The following DYNC2H1 variants were observed in gnomAD, a reference collection of about 807,000 sequenced individuals.
The protein encoded by DYNC2H1 is cytoplasmic dynein 2 heavy chain 1.
DYNC2H1 carries 410 observed loss-of-function variants against 570.0 expected under a neutral mutation model. The ratio of observed to expected loss-of-function variants is 0.72; its 90% CI spans 0.66 to 0.78. The LOEUF (loss-of-function observed/expected upper bound fraction) is 0.78. Ranked by LOEUF, DYNC2H1 falls within the 30% of genes least tolerant of loss-of-function variation. DYNC2H1 has a pLI of 0.00. For missense variants in DYNC2H1, 4,865 were observed against 5,046.4 expected (o/e 0.96, Z 1.09); for synonymous variants, 1,688 against 1,677.6 (o/e 1.01, Z -0.15).
Position 103,142,064 on chromosome 11 carries a change from G to A in DYNC2H1, c.2575-1204G>A, listed in dbSNP as rs540217201. Among the ~76,000 whole-genome samples the A allele has an allele frequency of 2.0e-5, 3 of 152,320 alleles. No homozygotes were observed. The South Asian group carries it at 6.2e-4, about 32-fold the overall frequency. ...GCCATTTTTGAGGCCCATTGGAAAA[G>A]TGTAGTATTAGGGTGGGATTGACCC... On this transcript the variant is annotated intron_variant, in intron 17 of 88. Transcript: ENST00000375735.
intron 52 of DYNC2H1, among the ~76,000 whole-genome samples, chr11:103,206,960 C>T (rs181526818): frequency 9.2e-5 from 14 of 151,980 alleles, no homozygotes; most frequent in Admixed American, 2.0e-4. Flanking sequence ...CTTGCTCTGT[C>T]GCCCAGGCTG....
At chr11:103,211,193 AAG>A (rs1269802504) in intron 53 of DYNC2H1, among the ~76,000 whole-genome samples, 1 of 59,872 alleles carries the variant, frequency 1.7e-5, no homozygotes, top group Non-Finnish European at 3.2e-5. Context: ...AAGAAGAAGA[AAG>A]AGTCGAGGAT....
intron 59 of DYNC2H1, among the ~76,000 whole-genome samples, chr11:103,229,715 T>A (rs1187720914): frequency 6.6e-6 from 1 of 152,204 alleles, no homozygotes; most frequent in Non-Finnish European, 1.5e-5. Context: ...TATTATGAAT[T>A]CCTGTCTTTC....
At chr11:103,448,504 A>G (rs1381086619) in intron 85 of DYNC2H1, among the ~76,000 whole-genome samples, 2 of 152,176 alleles carry the variant, frequency 1.3e-5, no homozygotes, top group South Asian at 4.1e-4. Flanking sequence ...CCATAAAAAC[A>G]AAGTCCTAAG....
chr11:103,139,793 CT>C (rs1328899650), intron 17 of DYNC2H1, among the ~76,000 whole-genome samples: 1 of 152,026 alleles, frequency 6.6e-6, no homozygotes, highest in African/African-American at 2.4e-5. Context: ...TCTCGTTGAT[CT>C]GTCTAATGTT....
intron 74 of DYNC2H1, among the ~76,000 whole-genome samples, chr11:103,287,075 G>A (rs961718453): frequency 1.3e-5 from 2 of 152,168 alleles, no homozygotes; most frequent in East Asian, 1.9e-4. Flanking sequence ...CTCAGGATTC[G>A]AGGCAGCAGT....
chr11:103,246,018 A>G (rs1864601329), intron 65 of DYNC2H1, among the ~76,000 whole-genome samples: 1 of 152,104 alleles, frequency 6.6e-6, no homozygotes, highest in Non-Finnish European at 1.5e-5. Flanking sequence ...AACGCAGAGA[A>G]ATAGCAAAGC....
At chr11:103,422,774 CACAAG>C in intron 84 of DYNC2H1, among the ~76,000 whole-genome samples, 1 of 152,200 alleles carries the variant, frequency 6.6e-6, no homozygotes, top group East Asian at 1.9e-4. Flanking sequence ...TGAAAACTGG[CACAAG>C]ACAAGGATGC....
At chr11:103,372,124 C>T (rs1941189081) in intron 83 of DYNC2H1, among the ~76,000 whole-genome samples, 1 of 146,430 alleles carries the variant, frequency 6.8e-6, no homozygotes, top group Non-Finnish European at 1.5e-5. Context: ...ACTGCAACCT[C>T]CACCTCCCAG....
intron 83 of DYNC2H1, among the ~76,000 whole-genome samples, chr11:103,364,101 C>G (rs1017779024): frequency 1.3e-5 from 2 of 152,034 alleles, no homozygotes; most frequent in African/African-American, 2.4e-5. Flanking sequence ...TTAAGTTTTA[C>G]TAAAATATTA....
At chr11:103,124,900 G>A (rs999778106) in intron 11 of DYNC2H1, among the ~76,000 whole-genome samples, 200 bp from the exon 12 acceptor site, 1 of 151,978 alleles carries the variant, frequency 6.6e-6, no homozygotes, top group Non-Finnish European at 1.5e-5. Flanking sequence ...GATCTATTTT[G>A]GATATTGCAG....
At chr11:103,423,372 G>A (rs767649627) in intron 84 of DYNC2H1, among the ~76,000 whole-genome samples, 1 of 137,048 alleles carries the variant, frequency 7.3e-6, no homozygotes, top group Non-Finnish European at 1.6e-5. Flanking sequence ...TTAACAAATG[G>A]TACTAGAGTA....
rs560890175 is a variant in DYNC2H1 at position 103,277,392 on chromosome 11, A to G, written c.10696-2956A>G. 3.9e-5 allele frequency among the ~76,000 whole-genome samples: 6 copies of G among 152,178 alleles called. No homozygotes were observed. In the East Asian group the frequency reaches 1.2e-3, roughly 29 times the overall value. On this transcript the variant is annotated intron_variant, in intron 70 of 88. Transcript: ENST00000375735. This position sits in a 1 kb window ranked among gnomAD's most constrained non-coding sequence, Gnocchi z 4.3. ...TCTTCATCTGGGTCTAATTTAAACA[A>G]TTATAAAGTTCTCTCCCCCTCCTTC... is the stretch of plus-strand genomic sequence containing the variant.
chr11:103,177,265 A>C lies in DYNC2H1; in HGVS notation c.5875-291A>C, dbSNP rs911177757. Among the ~76,000 whole-genome samples, 5 of 152,188 alleles carry C rather than the reference A, an allele frequency of 3.3e-5. No individual in the cohort carries two copies. Among genetic ancestry groups the C allele is most frequent in the Non-Finnish European group, 7.3e-5 (5 of 68,028 alleles). On this transcript the variant is annotated intron_variant, in intron 37 of 88. Coordinates refer to ENST00000375735, the MANE Select transcript of DYNC2H1 (RefSeq NM_001377.3). The surrounding 1 kb of genome is among the most constrained non-coding windows in gnomAD (Gnocchi z 4.4). ...TGAATAAAATAATGAATATATTTGA[A>C]TGAGTGAATGAGTGGAGCAAGTAAC...
chr11:103,250,336 C>G (rs1258456359), intron 65 of DYNC2H1, among the ~76,000 whole-genome samples: 2 of 151,714 alleles, frequency 1.3e-5, no homozygotes, highest in Non-Finnish European at 2.9e-5. Flanking sequence ...TTTCAAAATA[C>G]CAACTTTCAA....
intron 34 of DYNC2H1, among the ~76,000 whole-genome samples, chr11:103,172,376 A>C (rs1177492993): frequency 1.3e-5 from 2 of 152,042 alleles, no homozygotes; most frequent in Non-Finnish European, 2.9e-5. Flanking sequence ...CCAATTCCTC[A>C]TTAGGTTTTA....
Position 103,275,087 on chromosome 11 carries a change from C to A in DYNC2H1, c.10696-5261C>A, listed in dbSNP as rs549007219. Among the ~76,000 whole-genome samples the A allele has an allele frequency of 5.3e-5, 8 of 151,828 alleles. No individual in the cohort carries two copies. The highest frequency in any genetic ancestry group is 4.4e-5 in the Non-Finnish European group (3 of 67,974). On this transcript the variant is annotated intron_variant, in intron 70 of 88. Coordinates refer to ENST00000375735, the MANE Select transcript of DYNC2H1 (RefSeq NM_001377.3). This position sits in a 1 kb window ranked among gnomAD's most constrained non-coding sequence, Gnocchi z 4.8. ...CCAGCCTGGGCGACAGTGAGAGACT[C>A]CGTCTCAAAAATAAATAAATAAATA...
chr11:103,270,204 A>AT (rs1865650617), intron 70 of DYNC2H1, among the ~76,000 whole-genome samples: 3 of 149,840 alleles, frequency 2.0e-5, no homozygotes, highest in Non-Finnish European at 3.0e-5. Flanking sequence ...AAAAAAAAAA[A>AT]AAAAATAATA....
Position 103,267,202 on chromosome 11 carries a change from T to A in DYNC2H1, c.10695+7225T>A, listed in dbSNP as rs371906995. Among the ~76,000 whole-genome samples, 16 of 152,102 alleles carry A rather than the reference T, an allele frequency of 1.1e-4. No homozygotes were observed. The East Asian group carries it at 1.9e-3, about 18-fold the overall frequency. On this transcript the variant is annotated intron_variant, in intron 70 of 88. Coordinates refer to ENST00000375735, the MANE Select transcript of DYNC2H1 (RefSeq NM_001377.3). ...ACTGAGGGCCAGGAACAAGTCCAGG[T>A]GTGCAGTAGCTCTGGGTGGGGTTCC...
Sources: gnomAD v4.1 joint callset for allele counts (sites outside exome capture counted in the v4.1 genomes callset) on GRCh38, gnomAD v4.1.1 for gene constraint, Gnocchi (gnomAD v3.1) non-coding constraint, MANE v1.5 for transcripts, NCBI Gene and HGNC (gene_info 2026-07-23, HGNC 2026-07-21) for gene names.